ZNF383: variants seen among roughly 807,000 people sequenced by gnomAD.
The protein encoded by ZNF383 is zinc finger protein 383.
A neutral mutation model predicts 44.2 loss-of-function variants in ZNF383; 32 were observed. The observed-to-expected ratio is 0.72, with a 90% CI of 0.55 to 0.97. The LOEUF is 0.97. ZNF383 is among the 50% of genes least tolerant of loss of function. ZNF383 has a pLI of 0.00. For synonymous variants in ZNF383, 155 were observed against 186.2 expected (o/e 0.83, Z 1.36); for missense variants, 487 against 562.5 (o/e 0.87, Z 1.36).
intron 3 of ZNF383, among the ~76,000 whole-genome samples, chr19:37,231,284 G>A (rs1352918142): frequency 6.6e-6 from 1 of 152,164 alleles, no homozygotes; most frequent in Non-Finnish European, 1.5e-5. Context: ...AGCACTTTGG[G>A]AAGCAGAGGC....
intron 3 of ZNF383, among the ~76,000 whole-genome samples, chr19:37,235,099 CCT>C (rs796332535): frequency 4.6e-5 from 7 of 152,034 alleles, no homozygotes; most frequent in African/African-American, 1.7e-4. Context: ...ATGGTGAAAC[CCT>C]GTCTCTACTT....
At position 37,243,826 on chromosome 19, in the gene ZNF383, C is replaced by T. The variant is rs1974260002; in HGVS notation, c.*162C>T. 2 of 522,956 alleles carry T rather than the reference C, an allele frequency of 3.8e-6. No homozygotes were observed. The highest frequency in any genetic ancestry group is 6.6e-6 in the Non-Finnish European group (2 of 303,994). The allele number at this position is 522,956 out of a possible 1,614,324, so 32.4% of individuals were successfully genotyped here. Reference sequence around the variant, plus strand: ...TTCGGAGTCTAAAGTGACATTCCCTCTCTCCCCCAGTCATATACCGATGCC... The same window carrying T: ...TTCGGAGTCTAAAGTGACATTCCCTTTCTCCCCCAGTCATATACCGATGCC... On this transcript the variant is annotated 3_prime_UTR_variant, in exon 6 of 6. Coordinates refer to ENST00000684119, the MANE Select transcript of ZNF383 (RefSeq NM_001387601.1).
intron 1 of ZNF383, among the ~76,000 whole-genome samples, chr19:37,223,904 G>A (rs1163189481): frequency 2.0e-5 from 3 of 151,836 alleles, no homozygotes; most frequent in Non-Finnish European, 2.9e-5. Flanking sequence ...GTATGGTGGC[G>A]GGCACCTGTA....
At chr19:37,230,260 A>G in intron 2 of ZNF383, 149 bp from the exon 3 acceptor site, 1 of 543,940 alleles carries the variant, frequency 1.8e-6, no homozygotes, top group Admixed American at 3.0e-5. Context: ...AGGATTGAGG[A>G]AGGAGTAGGA....
chr19:37,239,560 G>T (rs1342027632), intron 5 of ZNF383, among the ~76,000 whole-genome samples: 1 of 152,154 alleles, frequency 6.6e-6, no homozygotes, highest in Non-Finnish European at 1.5e-5. Context: ...GCCAGTGTTG[G>T]TGGGCCCCAT....
At chr19:37,230,600 C>A in intron 3 of ZNF383, 138 bp downstream of exon 3, 1 of 835,714 alleles carries the variant, frequency 1.2e-6, no homozygotes, top group Non-Finnish European at 1.9e-6. Context: ...TTTTTCTTAG[C>A]TAGATAATCC....
intron 1 of ZNF383, among the ~76,000 whole-genome samples, chr19:37,223,348 C>G (rs1409250557): frequency 6.6e-6 from 1 of 152,140 alleles, no homozygotes; most frequent in Non-Finnish European, 1.5e-5. Context: ...TGAAATAATA[C>G]TGTAACTTTC....
At chr19:37,237,393 G>A (rs997734454) in intron 5 of ZNF383, among the ~76,000 whole-genome samples, 9 of 152,070 alleles carry the variant, frequency 5.9e-5, no homozygotes, top group African/African-American at 1.9e-4. Context: ...AAGGATCTGT[G>A]CCTATATTAA....
Position 37,241,718 on chromosome 19 carries a change from A to G in ZNF383, c.233-751A>G, listed in dbSNP as rs144981870. ...CTAAGGTCCTACCATGAATTACCTTATTAGCATAACAAAGACCTCCTGTCA... is the reference window on the plus strand; with the variant it reads ...CTAAGGTCCTACCATGAATTACCTTGTTAGCATAACAAAGACCTCCTGTCA... On this transcript the variant is annotated intron_variant, in intron 5 of 5. Coordinates refer to ENST00000684119, the MANE Select transcript of ZNF383 (RefSeq NM_001387601.1). Among the ~76,000 whole-genome samples the G allele has an allele frequency of 8.9e-4, 136 of 152,160 alleles. 3 individuals are homozygous for G. In the East Asian group the frequency reaches 0.022, roughly 24 times the overall value.
chr19:37,219,365 C>T (rs1261429906), intron 1 of ZNF383: 1 of 152,652 alleles, frequency 6.6e-6, no homozygotes, highest in African/African-American at 2.4e-5. Flanking sequence ...AAGCAATTCT[C>T]CTGCCTCAGC....
At chr19:37,233,633 A>G (rs1973617872) in intron 3 of ZNF383, among the ~76,000 whole-genome samples, 2 of 150,768 alleles carry the variant, frequency 1.3e-5, no homozygotes, top group Admixed American at 1.3e-4. Flanking sequence ...TTTCACCATG[A>G]TGGTCAAACT....
At position 37,230,440 on chromosome 19, in the gene ZNF383, C is replaced by T; in HGVS notation, c.-14C>T. On this transcript the variant is annotated 5_prime_UTR_variant, in exon 3 of 6. Transcript: ENST00000684119. ...GGCCTCAAGGAAGACTAACCATCTGCAATACTAGAAGCCATGGCTGAGGTG... is the reference window on the plus strand; with the variant it reads ...GGCCTCAAGGAAGACTAACCATCTGTAATACTAGAAGCCATGGCTGAGGTG... The T allele has an allele frequency of 6.2e-7, 1 of 1,612,566 alleles. No homozygotes were observed. The highest frequency in any genetic ancestry group is 8.5e-7 in the Non-Finnish European group (1 of 1,179,488).
chr19:37,218,593 T>A (rs990460411), intron 1 of ZNF383, among the ~76,000 whole-genome samples: 5 of 152,058 alleles, frequency 3.3e-5, no homozygotes. Context: ...GGAGGGTGTT[T>A]GTGTGGAGAG....
intron 5 of ZNF383, among the ~76,000 whole-genome samples, chr19:37,241,263 G>T (rs1027026041): frequency 2.0e-5 from 3 of 152,224 alleles, no homozygotes; most frequent in African/African-American, 7.2e-5. Flanking sequence ...CCAGCTGCAA[G>T]TCTTGGGAGT....
chr19:37,236,659 T>C (rs1973812663), intron 5 of ZNF383, among the ~76,000 whole-genome samples: 1 of 151,384 alleles, frequency 6.6e-6, no homozygotes, highest in Non-Finnish European at 1.5e-5. Context: ...AACCTCTGCC[T>C]CCCGGGTTCA....
intron 5 of ZNF383, among the ~76,000 whole-genome samples, chr19:37,238,192 C>T (rs1428423709): frequency 2.6e-5 from 4 of 151,886 alleles, no homozygotes; most frequent in African/African-American, 7.3e-5. Context: ...ACATTGGCAA[C>T]AGCTGAATTT....
intron 1 of ZNF383, chr19:37,219,475 G>C (rs1972818403): frequency 6.6e-6 from 1 of 152,256 alleles, no homozygotes; most frequent in Non-Finnish European, 1.5e-5. Context: ...GGCTGGTCTC[G>C]ACCTCCCCAC....
chr19:37,219,723 A>G (rs1260508914), intron 1 of ZNF383: 2 of 152,244 alleles, frequency 1.3e-5, no homozygotes, highest in African/African-American at 2.4e-5. Flanking sequence ...CAGAGGAAGA[A>G]TGGCTGTTGA....
In ZNF383 at chr19:37,235,589, A is replaced by G. The variant is rs1261213333; in HGVS notation, c.50A>G (p.Gln17Arg). The part of the protein sequence containing the change: ...MFSDVSIDFS[Q>R]EEWDCLDPVQ... ...AGTGATGTGTCCATAGACTTCTCTC[A>G]GGAGGAGTGGGACTGCCTGGACCCT... is the stretch of plus-strand genomic sequence containing the variant. The change falls in exon 4 of 6, where the codon CAG (glutamine) becomes CGG (arginine). Residue 17 changes from glutamine (Q) to arginine (R), a missense_variant. Coordinates refer to ENST00000684119, the MANE Select transcript of ZNF383 (RefSeq NM_001387601.1). 1 of 1,614,014 alleles carries G rather than the reference A, an allele frequency of 6.2e-7. No homozygotes were observed. The highest frequency in any genetic ancestry group is 1.1e-5 in the South Asian group (1 of 91,060).
Sources: allele counts gnomAD v4.1 joint callset (sites outside exome capture counted in the v4.1 genomes callset), GRCh38; gene constraint gnomAD v4.1.1; transcripts MANE v1.5; gene names NCBI Gene and HGNC (gene_info 2026-07-23, HGNC 2026-07-21).